ZNF142: variants seen among roughly 807,000 people sequenced by gnomAD.
ZNF142 encodes zinc finger protein 142 (clone pHZ-49).
ZNF142 carries 96 observed loss-of-function variants against 132.1 expected under a neutral mutation model. That is an observed-to-expected ratio of 0.73 (90% CI 0.62 to 0.86). The LOEUF (loss-of-function observed/expected upper bound fraction) is 0.86. Ranked by LOEUF, ZNF142 falls within the 40% of genes least tolerant of loss-of-function variation. The pLI is 0.00. For missense variants in ZNF142, 2,163 were observed against 2,336.2 expected (o/e 0.93, Z 1.53); for synonymous variants, 842 against 890.1 (o/e 0.95, Z 0.96).
At chr2:218,645,637 T>C (rs1020007095) in intron 8 of ZNF142, among the ~76,000 whole-genome samples, 14 of 152,188 alleles carry the variant, frequency 9.2e-5, no homozygotes, top group Non-Finnish European at 1.5e-4. Flanking sequence ...TGTAGGTCTA[T>C]ACTCCCTTCC....
At position 218,642,954 on chromosome 2, in the gene ZNF142, G is replaced by A. The variant is rs766314522; in HGVS notation, c.4162C>T (p.Gln1388Ter). The A allele has an allele frequency of 8.1e-6, 13 of 1,613,652 alleles. No individual in the cohort carries two copies. The South Asian group carries it at 9.9e-5, about 12-fold the overall frequency. The change falls in exon 9 of 11, where the codon CAG (glutamine) becomes TAG (stop). Residue 1388 changes from glutamine to a stop codon, truncating the protein, a stop_gained. Coordinates refer to ENST00000411696, the MANE Select transcript of ZNF142 (RefSeq NM_001379659.1). LOFTEE classifies it high-confidence loss of function. The surrounding 1 kb of genome is among the most constrained non-coding windows in gnomAD (Gnocchi z 4.6). ...FTCKQSRCMQ[Q>*]HRRLKHEGVK... ...CCCTCGTGCTTGAGCCGCCGGTGCT[G>A]CTGCATGCAACGGCTCTGTTTACAG... is the stretch of plus-strand genomic sequence containing the variant.
Position 218,635,776 on chromosome 2 carries a change from T to G in ZNF142, c.*2563A>C. Reference sequence around the variant, plus strand: ...CTGGGCTGAGCAGGAACTTGTGAGATTCCAGAGCCCTGACTACAGGTGATC... The same window carrying G: ...CTGGGCTGAGCAGGAACTTGTGAGAGTCCAGAGCCCTGACTACAGGTGATC... On this transcript the variant is annotated 3_prime_UTR_variant, in exon 11 of 11. Transcript: ENST00000411696. 6.2e-7 allele frequency: 1 copy of G among 1,607,856 alleles called. No homozygotes were observed. Among genetic ancestry groups the G allele is most frequent in the Non-Finnish European group, 8.5e-7 (1 of 1,177,178 alleles).
At position 218,644,024 on chromosome 2, in the gene ZNF142, C is replaced by A. The variant is rs1471098268; in HGVS notation, c.3092G>T (p.Gly1031Val). Residue 1031 changes from glycine (G) to valine (V), a missense_variant, in exon 9 of 11, where the codon GGA becomes GTA. Physicochemically the swap from Gly to Val is moderately radical, Grantham distance 109. Coordinates refer to ENST00000411696, the MANE Select transcript of ZNF142 (RefSeq NM_001379659.1). This position sits in a 1 kb window ranked among gnomAD's most constrained non-coding sequence, Gnocchi z 4.6. ...EGRVQMVVIQ[G>V]EGRAFRCPHC... ...TGGGCAGCGGAAGGCTCGCCCCTCT[C>A]CCTGGATCACTACCATCTGCACCCG... The A allele has an allele frequency of 1.2e-6, 2 of 1,614,008 alleles. No individual in the cohort carries two copies. Among genetic ancestry groups the A allele is most frequent in the Non-Finnish European group, 1.7e-6 (2 of 1,180,006 alleles).
chr2:218,636,171 A>G lies in ZNF142; in HGVS notation c.*2168T>C, dbSNP rs1559279684. ...CTGATTGCCATCTAGATTAAATGAG[A>G]ACACAAGAAAAGCAACCCAGTCAAG... On this transcript the variant is annotated 3_prime_UTR_variant, in exon 11 of 11. Transcript: ENST00000411696. 1.3e-6 allele frequency: 2 copies of G among 1,514,176 alleles called. No homozygotes were observed. Among genetic ancestry groups the G allele is most frequent in the Admixed American group, 3.4e-5 (2 of 58,618 alleles). 93.8% of individuals were successfully genotyped at this position (1,514,176 alleles called of 1,614,324 possible).
Position 218,642,642 on chromosome 2 carries a change from C to T in ZNF142, c.4474G>A (p.Glu1492Lys). The T allele has an allele frequency of 6.2e-7, 1 of 1,614,084 alleles. No homozygotes were observed. Among genetic ancestry groups the T allele is most frequent in the Admixed American group, 1.7e-5 (1 of 60,032 alleles). ...GCTGTCTCTGAGCTGAACTGGGCTT[C>T]ACACTGGGAGCAGGCAAAGGCTGGG... The part of the protein sequence containing the change: ...GTPAFACSQC[E>K]AQFSSETALK... Residue 1492 changes from glutamate (E) to lysine (K), a missense_variant, in exon 9 of 11, where the codon GAA becomes AAA. By Grantham distance (56) the Glu-to-Lys change is moderately conservative. Around this residue, in one of 7 missense-constraint regions of ZNF142, gnomAD observed 809 missense variants for 801.7 expected, o/e 1.01. Coordinates refer to ENST00000411696, the MANE Select transcript of ZNF142 (RefSeq NM_001379659.1). The surrounding 1 kb of genome is among the most constrained non-coding windows in gnomAD (Gnocchi z 4.6).
chr2:218,656,089 T>G, intron 4 of ZNF142, 61 bp downstream of exon 4: 1 of 1,439,796 alleles, frequency 6.9e-7, no homozygotes, highest in South Asian at 1.7e-5. Context: ...GAATCAAAAA[T>G]AACCCAGACA....
chr2:218,645,123 A>C, intron 8 of ZNF142, 59 bp from the exon 9 acceptor site: 1 of 1,571,736 alleles, frequency 6.4e-7, no homozygotes, highest in Non-Finnish European at 8.6e-7. Context: ...ACTAAGAATC[A>C]GTCAGTAAAT....
chr2:218,637,646 A>G lies in ZNF142; in HGVS notation c.*693T>C, dbSNP rs1324158211. Among the ~76,000 whole-genome samples the G allele has an allele frequency of 6.6e-6, 1 of 152,208 alleles. No individual in the cohort carries two copies. The highest frequency in any genetic ancestry group is 1.5e-5 in the Non-Finnish European group (1 of 68,046). On this transcript the variant is annotated 3_prime_UTR_variant, in exon 11 of 11. Coordinates refer to ENST00000411696, the MANE Select transcript of ZNF142 (RefSeq NM_001379659.1). ...AGTCTGAGGATTGATGATGAGCTAA[A>G]GTTGCTTCTAGGAGGAGGCTTAGTG...
rs762263151 is a variant in ZNF142 at position 218,646,342 on chromosome 2, T to C, written c.1880A>G (p.Lys627Arg). The C allele has an allele frequency of 4.3e-6, 7 of 1,613,978 alleles. No individual in the cohort carries two copies. The highest frequency in any genetic ancestry group is 5.9e-6 in the Non-Finnish European group (7 of 1,179,996). ...IRHMLLHTGE[K>R]PHKCELCDFT... ...GTCACACAGCTCACACTTGTGGGGC[T>C]TCTCACCTTATATGGGGGATGCGGA... Residue 627 changes from lysine to arginine, a missense_variant, in exon 8 of 11, where the codon AAG (lysine) becomes AGG (arginine). Around this residue, in one of 7 missense-constraint regions of ZNF142, gnomAD observed 749 missense variants for 830.3 expected, o/e 0.90. Transcript: ENST00000411696.
At chr2:218,649,593 A>G (rs1937791459) in intron 6 of ZNF142, 134 bp from the exon 7 acceptor site, 1 of 843,850 alleles carries the variant, frequency 1.2e-6, no homozygotes, top group East Asian at 2.7e-5. Flanking sequence ...AGGGTCTCAA[A>G]TACTGTAGTC....
intron 4 of ZNF142, among the ~76,000 whole-genome samples, chr2:218,652,721 A>G (rs976780929): frequency 2.0e-5 from 2 of 99,690 alleles, no homozygotes; most frequent in African/African-American, 8.7e-5. Context: ...AATGGATAAA[A>G]TGGAGAATAT....
rs1436255263 is a variant in ZNF142, at chr2:218,648,978, G to C, written c.1530C>G (p.Thr510=). The change falls in exon 7 of 11, where the codon ACC becomes ACG. Residue 510 remains threonine (T), a synonymous_variant. Coordinates refer to ENST00000411696, the MANE Select transcript of ZNF142 (RefSeq NM_001379659.1). Reference sequence around the variant, plus strand: ...GGCACTCCACAGCCCGCACCCCATGGGTCTCCTTCAGGTGCTTAATGAAGG... The same window carrying C: ...GGCACTCCACAGCCCGCACCCCATGCGTCTCCTTCAGGTGCTTAATGAAGG... The part of the protein sequence containing the change: ...RKAFIKHLKE[T]HGVRAVECRH... 1 of 1,612,202 alleles carries C rather than the reference G, an allele frequency of 6.2e-7. No homozygotes were observed. Among genetic ancestry groups the C allele is most frequent in the Non-Finnish European group, 8.5e-7 (1 of 1,180,026 alleles).
At chr2:218,639,776 C>G (rs1697017943) in intron 10 of ZNF142, among the ~76,000 whole-genome samples, 1 of 142,906 alleles carries the variant, frequency 7.0e-6, no homozygotes, top group Admixed American at 7.3e-5. Flanking sequence ...TTAGGAGGGG[C>G]CGAGCATGGT....
At position 218,640,743 on chromosome 2, in the gene ZNF142, T is replaced by C; in HGVS notation, c.5115A>G (p.Glu1705=). The change falls in exon 10 of 11, where the codon GAA becomes GAG. Residue 1705 remains glutamate, a synonymous_variant. Transcript: ENST00000411696. ...CACACTCAGGGCACAGGTACTTCCG[T>C]TCCTCCTTGTGGATCCGCATGTGGT... ...LKYHMRIHKE[E]RKYLCPECGY... The C allele has an allele frequency of 1.9e-6, 3 of 1,614,182 alleles. No individual in the cohort carries two copies. The highest frequency in any genetic ancestry group is 2.5e-6 in the Non-Finnish European group (3 of 1,180,026).
In ZNF142 at chr2:218,645,041, T is replaced by A; in HGVS notation, c.2075A>T (p.Tyr692Phe). ...DLRYQCNQCSYRCHRADQLSS... is the reference protein window; with the variant it reads ...DLRYQCNQCSFRCHRADQLSS... The stretch of plus-strand genomic sequence containing the variant: ...CAGCTGATCAGCCCGGTGACAGCGA[T>A]AGGAGCACTGGTTGCACTGATACCT... The change falls in exon 9 of 11, where the codon TAT (tyrosine) becomes TTT (phenylalanine). Residue 692 changes from tyrosine to phenylalanine, a missense_variant. By Grantham distance (22) the Tyr-to-Phe change is conservative (BLOSUM62 3). Around this residue, in one of 7 missense-constraint regions of ZNF142, gnomAD observed 749 missense variants for 830.3 expected, o/e 0.90. Transcript: ENST00000411696. The A allele has an allele frequency of 6.2e-7, 1 of 1,613,014 alleles. No homozygotes were observed. The highest frequency in any genetic ancestry group is 8.5e-7 in the Non-Finnish European group (1 of 1,179,366).
At position 218,642,914 on chromosome 2, in the gene ZNF142, T is replaced by C; in HGVS notation, c.4202A>G (p.Gln1401Arg). ...GGTCGAAAAGTCACAGAAGGGGCAC[T>C]GATGGGGCTTCACCCCCTCGTGCTT... is the stretch of plus-strand genomic sequence containing the variant. ...RLKHEGVKPH[Q>R]CPFCDFSTTR... Residue 1401 changes from glutamine to arginine, a missense_variant, in exon 9 of 11, where the codon CAG becomes CGG. Gln to Arg is a conservative substitution (Grantham distance 43, BLOSUM62 1). This residue lies in a region of ZNF142 where 809 missense variants were observed against 801.7 expected (regional missense o/e 1.01). Coordinates refer to ENST00000411696, the MANE Select transcript of ZNF142 (RefSeq NM_001379659.1). This position sits in a 1 kb window ranked among gnomAD's most constrained non-coding sequence, Gnocchi z 4.6. 1 of 1,613,900 alleles carries C rather than the reference T, an allele frequency of 6.2e-7. No homozygotes were observed. The highest frequency in any genetic ancestry group is 8.5e-7 in the Non-Finnish European group (1 of 1,180,002).
chr2:218,651,280 C>A (rs1380357865), intron 5 of ZNF142, among the ~76,000 whole-genome samples: 3 of 152,222 alleles, frequency 2.0e-5, no homozygotes, highest in Non-Finnish European at 4.4e-5. Flanking sequence ...CAGTGCCCAG[C>A]CCAAAGGGTT....
Position 218,651,784 on chromosome 2 carries a change from C to T in ZNF142, c.797G>A (p.Arg266Gln), listed in dbSNP as rs117991044. Reference protein sequence around the residue: ...SFIGSNVKLFRQHQRSHGAGT... With the variant: ...SFIGSNVKLFQQHQRSHGAGT... The stretch of plus-strand genomic sequence containing the variant: ...AGCACCATGGCTCCGCTGATGCTGC[C>T]GGAAGAGTTTGACGTTGGAGCCTAT... Residue 266 changes from arginine (R) to glutamine (Q), a missense_variant, in exon 5 of 11, where the codon CGG (arginine) becomes CAG (glutamine). This residue lies in a region of ZNF142 where 63 missense variants were observed against 104.1 expected (regional missense o/e 0.61). Coordinates refer to ENST00000411696, the MANE Select transcript of ZNF142 (RefSeq NM_001379659.1). The T allele has an allele frequency of 2.2e-5, 29 of 1,289,758 alleles. No homozygotes were observed. The African/African-American group carries it at 3.2e-4, about 14-fold the overall frequency. 79.9% of individuals were successfully genotyped at this position (1,289,758 alleles called of 1,614,324 possible).
chr2:218,643,536 C>T lies in ZNF142; in HGVS notation c.3580G>A (p.Glu1194Lys). 1 of 1,609,092 alleles carries T rather than the reference C, an allele frequency of 6.2e-7. No homozygotes were observed. The highest frequency in any genetic ancestry group is 8.5e-7 in the Non-Finnish European group (1 of 1,176,688). ...TCAAGGTGGTGCTTCTTAGGGGCCT[C>T]CGTGGGTGAGGAGTTTCCTGCAGGA... ...VPPAGNSSPT[E>K]APKKHHLDPV... Residue 1194 changes from glutamate (E) to lysine (K), a missense_variant, in exon 9 of 11, where the codon GAG becomes AAG. Glu to Lys is a moderately conservative substitution (Grantham distance 56, BLOSUM62 1). This residue lies in a region of ZNF142 where 809 missense variants were observed against 801.7 expected (regional missense o/e 1.01). Coordinates refer to ENST00000411696, the MANE Select transcript of ZNF142 (RefSeq NM_001379659.1).
Sources: gnomAD v4.1 joint callset for allele counts (sites outside exome capture counted in the v4.1 genomes callset) on GRCh38, gnomAD v4.1.1 for gene constraint, gnomAD v4.1.1 regional missense constraint, Gnocchi (gnomAD v3.1) non-coding constraint, MANE v1.5 for transcripts, NCBI Gene and HGNC (gene_info 2026-07-23, HGNC 2026-07-21) for gene names.